Variants in SPHKAP observed in about 807,000 individuals in gnomAD.
The protein encoded by SPHKAP is SPHK1 interactor, AKAP domain containing.
Under a neutral mutation model 137.5 loss-of-function variants are expected in SPHKAP, and 67 were observed. The ratio of observed to expected loss-of-function variants is 0.49; its 90% CI spans 0.40 to 0.60. The LOEUF (loss-of-function observed/expected upper bound fraction) is 0.60. Ranked by LOEUF, SPHKAP falls within the 20% of genes least tolerant of loss-of-function variation. The pLI, the probability that SPHKAP is intolerant of heterozygous loss-of-function variation, is 0.00. For missense variants in SPHKAP, 2,097 were observed against 2,069.3 expected (o/e 1.01, Z -0.26); for synonymous variants, 813 against 785.3 (o/e 1.04, Z -0.59).
intron 3 of SPHKAP, among the ~76,000 whole-genome samples, chr2:228,037,129 C>T (rs1309202986): frequency 6.6e-6 from 1 of 152,082 alleles, no homozygotes; most frequent in African/African-American, 2.4e-5. Context: ...TTGTTATAGG[C>T]ATACTCACTC....
At chr2:228,140,091 C>T (rs1471606002) in intron 1 of SPHKAP, among the ~76,000 whole-genome samples, 5 of 151,702 alleles carry the variant, frequency 3.3e-5, no homozygotes, top group African/African-American at 1.2e-4. Flanking sequence ...ATCATAGGCA[C>T]CCACCACCAT....
At chr2:228,006,907 C>G (rs1694163108) in intron 7 of SPHKAP, among the ~76,000 whole-genome samples, 1 of 152,208 alleles carries the variant, frequency 6.6e-6, no homozygotes, top group South Asian at 2.1e-4. Flanking sequence ...GAGGTTTCGT[C>G]TCAGAGGGGT....
intron 1 of SPHKAP, among the ~76,000 whole-genome samples, chr2:228,179,328 C>T (rs1700831626): frequency 6.6e-6 from 1 of 152,178 alleles, no homozygotes; most frequent in Non-Finnish European, 1.5e-5. Flanking sequence ...ATTCAATAAT[C>T]AATTCTTTAA....
At chr2:228,078,908 G>A (rs767952266) in intron 3 of SPHKAP, among the ~76,000 whole-genome samples, 33 of 152,014 alleles carry the variant, frequency 2.2e-4, no homozygotes, top group Admixed American at 5.2e-4. Context: ...CAGTACCCAC[G>A]AACGGAGCCT....
intron 3 of SPHKAP, among the ~76,000 whole-genome samples, chr2:228,082,932 C>T (rs1295221445): frequency 6.6e-6 from 1 of 152,042 alleles, no homozygotes; most frequent in Non-Finnish European, 1.5e-5. Context: ...TGGAAGATTC[C>T]ACAGAAGTCA....
At chr2:228,054,618 C>T (rs1696373693) in intron 3 of SPHKAP, among the ~76,000 whole-genome samples, 1 of 152,120 alleles carries the variant, frequency 6.6e-6, no homozygotes, top group African/African-American at 2.4e-5. Context: ...GTTTGGTTCA[C>T]TAACCTCCAC....
intron 1 of SPHKAP, among the ~76,000 whole-genome samples, chr2:228,169,316 A>G (rs1019499092): frequency 2.6e-5 from 4 of 152,186 alleles, no homozygotes; most frequent in African/African-American, 9.6e-5. Flanking sequence ...AGAGAGGAGA[A>G]GTCAATGCCC....
chr2:227,982,430 C>T, intron 11 of SPHKAP: 1 of 932,036 alleles, frequency 1.1e-6, no homozygotes, highest in Non-Finnish European at 1.3e-6. Context: ...ATGGAGGAAA[C>T]ACCTTAGATT....
intron 7 of SPHKAP, among the ~76,000 whole-genome samples, chr2:228,015,998 C>A (rs1694573198): frequency 6.6e-6 from 1 of 151,934 alleles, no homozygotes; most frequent in Admixed American, 6.6e-5. Flanking sequence ...TTAAAAATTG[C>A]CATGAATGAA....
At chr2:228,080,376 A>G (rs1053321898) in intron 3 of SPHKAP, among the ~76,000 whole-genome samples, 2 of 152,248 alleles carry the variant, frequency 1.3e-5, no homozygotes, top group African/African-American at 2.4e-5. Context: ...TGAACAAAAA[A>G]TGCTTAACAT....
chr2:228,126,443 A>G (rs953278824), intron 2 of SPHKAP, among the ~76,000 whole-genome samples: 2 of 152,166 alleles, frequency 1.3e-5, no homozygotes, highest in Non-Finnish European at 2.9e-5. Context: ...GGGAGGGGGT[A>G]ATAGTAGTAG....
At chr2:228,062,717 G>C (rs1327195634) in intron 3 of SPHKAP, among the ~76,000 whole-genome samples, 1 of 152,072 alleles carries the variant, frequency 6.6e-6, no homozygotes, top group African/African-American at 2.4e-5. Flanking sequence ...AACTATGTCT[G>C]TATTTAAAAG....
chr2:228,066,197 C>G (rs924195010), intron 3 of SPHKAP, among the ~76,000 whole-genome samples: 1 of 152,174 alleles, frequency 6.6e-6, no homozygotes, highest in Non-Finnish European at 1.5e-5. Flanking sequence ...GAATAAGTGT[C>G]AGAGAAGCCC....
Position 228,180,700 on chromosome 2 carries a change from G to GC in SPHKAP, c.32+866dup, listed in dbSNP as rs1214001853. Among the ~76,000 whole-genome samples the GC allele has an allele frequency of 2.0e-5, 3 of 152,234 alleles. No individual in the cohort carries two copies. In the South Asian group the frequency reaches 6.2e-4, roughly 32 times the overall value. On this transcript the variant is annotated intron_variant, in intron 1 of 11. Transcript: ENST00000392056. ...GCTCCGCGCCCAGCGAGCGCAAAGA[G>GC]CGCAAAGGCCACCTGCCCGGCTGGG...
chr2:228,177,921 C>T (rs947177040), intron 1 of SPHKAP, among the ~76,000 whole-genome samples: 2 of 151,962 alleles, frequency 1.3e-5, no homozygotes, highest in African/African-American at 4.8e-5. Flanking sequence ...TCCAGTAAAC[C>T]AAGCAAAAAG....
chr2:227,991,810 G>A (rs1283649202), intron 9 of SPHKAP: 2 of 547,084 alleles, frequency 3.7e-6, no homozygotes, highest in Non-Finnish European at 4.7e-6. Context: ...AATTTTACAT[G>A]TATATGGTTA....
chr2:228,134,855 A>G (rs941500173), intron 1 of SPHKAP, among the ~76,000 whole-genome samples: 1 of 152,174 alleles, frequency 6.6e-6, no homozygotes, highest in African/African-American at 2.4e-5. Context: ...ACTTATGCCC[A>G]GTACTAAGAC....
chr2:228,102,786 C>T (rs13403604), intron 3 of SPHKAP, among the ~76,000 whole-genome samples: 46,503 of 151,952 alleles, frequency 0.31, 7,323 homozygotes, highest in Admixed American at 0.39. Flanking sequence ...TCTGTCACCC[C>T]GGCTGGAGTG....
rs761969914 is a variant in SPHKAP, at chr2:228,019,736, T to A, written c.1118A>T (p.Asp373Val). 6.2e-7 allele frequency: 1 copy of A among 1,614,234 alleles called. No homozygotes were observed. Among genetic ancestry groups the A allele is most frequent in the East Asian group, 2.2e-5 (1 of 44,888 alleles). ...TCTAGGAGGGAGAGCGTTTCTTGTG[T>A]CTTCATGGTCTCCTGGGTTTAGGTT... is the stretch of plus-strand genomic sequence containing the variant. ...RSNLNPGDHEDTRNALPPRQD... is the reference protein window; with the variant it reads ...RSNLNPGDHEVTRNALPPRQD... The change falls in exon 7 of 12, where the codon GAC (aspartate) becomes GTC (valine). Residue 373 changes from aspartate (D) to valine (V), a missense_variant. Transcript: ENST00000392056.
Sources: allele counts gnomAD v4.1 joint callset (sites outside exome capture counted in the v4.1 genomes callset), GRCh38; gene constraint gnomAD v4.1.1; transcripts MANE v1.5; gene names NCBI Gene and HGNC (gene_info 2026-07-23, HGNC 2026-07-21).